Variants in CEP128 observed in about 807,000 individuals in gnomAD.
CEP128 encodes the protein centrosomal protein 128kDa.
In CEP128, 132 loss-of-function variants were observed where a neutral mutation model predicts 156.7. That is an observed-to-expected ratio of 0.84 (90% CI 0.73 to 0.97). CEP128 has a LOEUF of 0.97. Ranked by LOEUF, CEP128 falls within the 50% of genes least tolerant of loss-of-function variation. The pLI, the probability that CEP128 is intolerant of heterozygous loss-of-function variation, is 0.00. For missense variants in CEP128, 1,252 were observed against 1,281.9 expected (o/e 0.98, Z 0.36); for synonymous variants, 469 against 448.9 (o/e 1.04, Z -0.57).
chr14:80,842,956 T>A (rs1169196227), intron 9 of CEP128, among the ~76,000 whole-genome samples: 3 of 151,970 alleles, frequency 2.0e-5, no homozygotes, highest in African/African-American at 7.2e-5. Context: ...CAATTTTTCT[T>A]CTTTCCCTTA....
At chr14:80,498,425 T>A (rs1055878986) in intron 24 of CEP128, among the ~76,000 whole-genome samples, 5 of 152,244 alleles carry the variant, frequency 3.3e-5, no homozygotes, top group African/African-American at 1.2e-4. Context: ...CTGCCCTTAA[T>A]GGTCGCCCAG....
intron 20 of CEP128, among the ~76,000 whole-genome samples, chr14:80,568,874 A>G (rs1356997992): frequency 6.6e-6 from 1 of 152,140 alleles, no homozygotes; most frequent in Non-Finnish European, 1.5e-5. Flanking sequence ...GACTTATCCT[A>G]TATGCACTAA....
At chr14:80,697,902 C>CAT (rs897895111) in intron 19 of CEP128, among the ~76,000 whole-genome samples, 3 of 151,882 alleles carry the variant, frequency 2.0e-5, no homozygotes, top group African/African-American at 2.4e-5. Context: ...TATATGCACA[C>CAT]ATATATATAG....
intron 14 of CEP128, among the ~76,000 whole-genome samples, chr14:80,790,756 A>G (rs1330726544): frequency 1.3e-5 from 2 of 152,124 alleles, no homozygotes; most frequent in African/African-American, 4.8e-5. Context: ...GCCGTTTTGT[A>G]TATTTTTTAA....
chr14:80,614,640 A>G (rs150547734), intron 19 of CEP128, among the ~76,000 whole-genome samples: 201 of 152,172 alleles, frequency 1.3e-3, no homozygotes, highest in African/African-American at 4.6e-3. Flanking sequence ...ATGAGACTCT[A>G]TTTTCATAGT....
At chr14:80,706,180 CAT>C (rs1897236396) in intron 19 of CEP128, among the ~76,000 whole-genome samples, 1 of 151,360 alleles carries the variant, frequency 6.6e-6, no homozygotes, top group African/African-American at 2.4e-5. Flanking sequence ...CAAAAAAAAA[CAT>C]ATAGAAAAAG....
chr14:80,671,338 T>C (rs913675127), intron 19 of CEP128, among the ~76,000 whole-genome samples: 8 of 152,216 alleles, frequency 5.3e-5, no homozygotes, highest in African/African-American at 1.2e-4. Context: ...TACCTCTTTA[T>C]AGTTAAAAGG....
At chr14:80,537,748 G>A (rs768987251) in intron 21 of CEP128, among the ~76,000 whole-genome samples, 1 of 152,136 alleles carries the variant, frequency 6.6e-6, no homozygotes, top group Non-Finnish European at 1.5e-5. Context: ...AGAAGATACT[G>A]TGTTTAGCAA....
rs768257774 is a variant in CEP128, at chr14:80,497,444, A to T, written c.*35T>A. On this transcript the variant is annotated 3_prime_UTR_variant, in exon 25 of 25. Coordinates refer to ENST00000555265, the MANE Select transcript of CEP128 (RefSeq NM_152446.5). ...GAATAGAGATGTTATTATTTGTAAC[A>T]TACTCATGTAAAATAACAAATTACA... 9.6e-6 allele frequency: 13 copies of T among 1,349,090 alleles called. No individual in the cohort carries two copies. The highest frequency in any genetic ancestry group is 1.7e-5 in the Admixed American group (1 of 57,748). The allele number at this position is 1,349,090 out of a possible 1,614,324, so 83.6% of individuals were successfully genotyped here. A position where few individuals can be genotyped will look rare whatever the true frequency, so the allele number is the denominator to read the frequency against.
At chr14:80,810,173 A>T (rs977689403) in intron 13 of CEP128, among the ~76,000 whole-genome samples, 2 of 151,630 alleles carry the variant, frequency 1.3e-5, no homozygotes, top group East Asian at 3.9e-4. Context: ...AATACAAAAA[A>T]TAAGCCGGGC....
intron 1 of CEP128, among the ~76,000 whole-genome samples, chr14:80,958,955 C>A (rs865929001): frequency 6.6e-6 from 1 of 152,110 alleles, no homozygotes; most frequent in Non-Finnish European, 1.5e-5. Context: ...GCTGTATAAC[C>A]ACTTCTTAGA....
chr14:80,916,802 C>A (rs1431904654), intron 2 of CEP128, among the ~76,000 whole-genome samples: 2 of 152,180 alleles, frequency 1.3e-5, no homozygotes, highest in African/African-American at 4.8e-5. Flanking sequence ...GTCATGTTTA[C>A]AACTCCAGTG....
intron 19 of CEP128, among the ~76,000 whole-genome samples, chr14:80,735,925 T>C (rs1348908300): frequency 1.3e-5 from 2 of 152,182 alleles, no homozygotes; most frequent in Non-Finnish European, 2.9e-5. Context: ...CGTGATTATA[T>C]TGTGTCCCAG....
intron 19 of CEP128, among the ~76,000 whole-genome samples, chr14:80,732,729 G>A (rs1595305892): frequency 6.6e-6 from 1 of 152,042 alleles, no homozygotes; most frequent in Non-Finnish European, 1.5e-5. Flanking sequence ...GGAGCCCAGG[G>A]CACAGTGTGA....
chr14:80,716,090 C>T (rs1387642148), intron 19 of CEP128, among the ~76,000 whole-genome samples: 1 of 152,064 alleles, frequency 6.6e-6, no homozygotes, highest in Non-Finnish European at 1.5e-5. Context: ...GATTTTAAAC[C>T]AAGATTACAG....
intron 5 of CEP128, 57 bp from the exon 6 acceptor site, chr14:80,904,988 TA>T: frequency 2.9e-6 from 3 of 1,019,964 alleles, no homozygotes; most frequent in Non-Finnish European, 4.7e-6. Flanking sequence ...AGAGACAATC[TA>T]AAATTTTACT....
Position 80,497,351 on chromosome 14 carries a change from G to C in CEP128, c.*128C>G. ...CAACAGTATTGTCACTTTTGTCAAT[G>C]TTTGGCAATACCAAAGAGCCAAAGC... On this transcript the variant is annotated 3_prime_UTR_variant, in exon 25 of 25. Transcript: ENST00000555265. 1 of 623,134 alleles carries C rather than the reference G, an allele frequency of 1.6e-6. No individual in the cohort carries two copies. The highest frequency in any genetic ancestry group is 2.8e-6 in the Non-Finnish European group (1 of 355,000). The allele number at this position is 623,134 out of a possible 1,614,324, so 38.6% of individuals were successfully genotyped here.
intron 8 of CEP128, among the ~76,000 whole-genome samples, chr14:80,888,577 A>G (rs1419605700): frequency 1.3e-5 from 2 of 152,214 alleles, no homozygotes; most frequent in African/African-American, 4.8e-5. Context: ...ACAAAATTCA[A>G]CAGCGCTTCA....
At position 80,742,711 on chromosome 14, in the gene CEP128, G is replaced by C. The variant is rs539679646; in HGVS notation, c.2806+364C>G. 8.2e-4 allele frequency: 176 copies of C among 214,116 alleles called. 5 individuals carry two copies. In the South Asian group the frequency reaches 9.0e-3, roughly 11 times the overall value. The allele number at this position is 214,116 out of a possible 1,614,324, so 13.3% of individuals were successfully genotyped here. A position where few individuals can be genotyped will look rare whatever the true frequency, so the allele number is the denominator to read the frequency against. ...TGCTTTATTCACTGATATATCCTCT[G>C]TACCTAGAATAGTGTGTACTTGAAA... On this transcript the variant is annotated intron_variant, in intron 19 of 24. Transcript: ENST00000555265.
Sources: gnomAD v4.1 joint callset for allele counts (sites outside exome capture counted in the v4.1 genomes callset) on GRCh38, gnomAD v4.1.1 for gene constraint, MANE v1.5 for transcripts, NCBI Gene and HGNC (gene_info 2026-07-23, HGNC 2026-07-21) for gene names.